The following CACNB2 variants were observed in gnomAD, a reference collection of about 807,000 sequenced individuals.
The protein encoded by CACNB2 is voltage-dependent L-type calcium channel subunit beta-2.
A neutral mutation model predicts 73.3 loss-of-function variants in CACNB2; 42 were observed. The ratio of observed to expected loss-of-function variants is 0.57; its 90% CI spans 0.45 to 0.74. The LOEUF (loss-of-function observed/expected upper bound fraction) is 0.74, where lower values mean the gene tolerates loss of function less well. Ranked by LOEUF, CACNB2 falls within the 30% of genes least tolerant of loss-of-function variation. The probability of loss-of-function intolerance (pLI) is 0.00; values close to 1 mark genes in which losing one functional copy is unlikely to be tolerated. For synonymous variants in CACNB2, 348 were observed against 310.3 expected, an observed-to-expected ratio of 1.12 and a Z score of -1.28; for missense variants, 940 against 853.0, an observed-to-expected ratio of 1.10 and a Z score of -1.27.
At chr10:18,223,916 T>C (rs573197887) in intron 2 of CACNB2, among the ~76,000 whole-genome samples, 88 of 151,886 alleles carry the variant, frequency 5.8e-4, no homozygotes, top group African/African-American at 1.8e-3. Context: ...TCTAGTGAAA[T>C]ATGTACAGAA....
rs59858946 is a variant in CACNB2, at chr10:18,495,545, C to CTGTGTG, written c.334-2768_334-2763dup. Among the ~76,000 whole-genome samples the CTGTGTG allele has an allele frequency of 5.0e-3, 624 of 124,698 alleles. 5 individuals are homozygous for CTGTGTG. Among genetic ancestry groups the CTGTGTG allele is most frequent in the South Asian group, 0.013 (49 of 3,868 alleles). 81.8% of individuals were successfully genotyped at this position (124,698 alleles called of 152,430 possible). On this transcript the variant is annotated intron_variant, in intron 3 of 13. Coordinates refer to ENST00000324631, the MANE Select transcript of CACNB2 (RefSeq NM_201596.3). Reference sequence around the variant, plus strand: ...AAATATATTTTTAAAAGTATAAAAACTGTGTGTGTGTGTGTGTGTGTGTGT... The same window carrying CTGTGTG: ...AAATATATTTTTAAAAGTATAAAAACTGTGTGTGTGTGTGTGTGTGTGTGTGTGTGT...
chr10:18,309,561 G>A (rs964905783), intron 2 of CACNB2, among the ~76,000 whole-genome samples: 9 of 152,106 alleles, frequency 5.9e-5, no homozygotes, highest in African/African-American at 2.2e-4. Context: ...GGGTTCAAGC[G>A]ATTCTCCTGA....
chr10:18,391,375 C>T (rs1419460765), intron 2 of CACNB2, among the ~76,000 whole-genome samples: 3 of 152,144 alleles, frequency 2.0e-5, no homozygotes, highest in African/African-American at 4.8e-5. Flanking sequence ...GAAAATGGAT[C>T]GGGAGAGCTT....
At chr10:18,452,195 G>C (rs552513348) in intron 3 of CACNB2, among the ~76,000 whole-genome samples, 1 of 152,238 alleles carries the variant, frequency 6.6e-6, no homozygotes, top group Non-Finnish European at 1.5e-5. Flanking sequence ...AGACTGAGCA[G>C]GAGGATTGCT....
intron 3 of CACNB2, among the ~76,000 whole-genome samples, chr10:18,438,896 G>A (rs771350228): frequency 3.1e-4 from 47 of 152,306 alleles, no homozygotes; most frequent in African/African-American, 1.1e-3. Flanking sequence ...TATAAATACA[G>A]CTCTTCCAAA....
intron 2 of CACNB2, among the ~76,000 whole-genome samples, chr10:18,216,794 G>A (rs2035529939): frequency 6.6e-6 from 1 of 152,046 alleles, no homozygotes; most frequent in South Asian, 2.1e-4. Context: ...CCAAAACAGA[G>A]GTCTCATGAA....
chr10:18,464,525 T>C (rs1265069770), intron 3 of CACNB2, among the ~76,000 whole-genome samples: 1 of 151,002 alleles, frequency 6.6e-6, no homozygotes, highest in Non-Finnish European at 1.5e-5. Flanking sequence ...CACACGGACC[T>C]CAAACTTACC....
chr10:18,266,518 T>A (rs956763350), intron 2 of CACNB2, among the ~76,000 whole-genome samples: 2 of 103,626 alleles, frequency 1.9e-5, no homozygotes, highest in African/African-American at 9.4e-5. Context: ...GTAGTATAGT[T>A]TTTTTTTTTT....
chr10:18,410,778 G>A (rs951598418), intron 3 of CACNB2, among the ~76,000 whole-genome samples: 45 of 152,068 alleles, frequency 3.0e-4, no homozygotes, highest in African/African-American at 1.0e-3. Flanking sequence ...TCAGGAGTTT[G>A]AGAGCAGCCT....
chr10:18,499,588 C>A (rs1038060711), intron 4 of CACNB2, among the ~76,000 whole-genome samples: 2 of 105,166 alleles, frequency 1.9e-5, no homozygotes, highest in Non-Finnish European at 4.2e-5. Context: ...GCACCCGAGC[C>A]TGGCGACAGA....
intron 9 of CACNB2, among the ~76,000 whole-genome samples, chr10:18,524,223 TTTTTG>T (rs1460394853): frequency 1.3e-5 from 2 of 152,170 alleles, no homozygotes; most frequent in African/African-American, 4.8e-5. Flanking sequence ...TTTTTTTGTT[TTTTTG>T]TTTTGTTTTG....
intron 2 of CACNB2, among the ~76,000 whole-genome samples, chr10:18,301,829 A>G (rs910332817): frequency 4.0e-5 from 6 of 151,452 alleles, no homozygotes; most frequent in African/African-American, 1.5e-4. Flanking sequence ...TTGTATTTTT[A>G]GTAGAGACGG....
intron 3 of CACNB2, among the ~76,000 whole-genome samples, chr10:18,469,780 G>T (rs2048086261): frequency 6.6e-6 from 1 of 152,136 alleles, no homozygotes; most frequent in South Asian, 2.1e-4. Flanking sequence ...CACATCCATG[G>T]AAGGAATATC....
In CACNB2 at chr10:18,264,592, T is replaced by G. The variant is rs2037706131; in HGVS notation, c.213+113617T>G. On this transcript the variant is annotated intron_variant, in intron 2 of 13. Coordinates refer to ENST00000324631, the MANE Select transcript of CACNB2 (RefSeq NM_201596.3). The stretch of plus-strand genomic sequence containing the variant: ...TGGATTGGTTTTTCCTGTTTCTGAA[T>G]TTTATTCAAATGAACTCAAACAGCA... 3.3e-5 allele frequency among the ~76,000 whole-genome samples: 5 copies of G among 152,210 alleles called. No homozygotes were observed. In the South Asian group the frequency reaches 1.0e-3, roughly 32 times the overall value.
At chr10:18,224,857 T>C (rs1018834156) in intron 2 of CACNB2, among the ~76,000 whole-genome samples, 1 of 152,222 alleles carries the variant, frequency 6.6e-6, no homozygotes, top group Non-Finnish European at 1.5e-5. Context: ...CAGTCCTCCC[T>C]TAAGGTGGCC....
At chr10:18,246,662 C>T (rs963227855) in intron 2 of CACNB2, among the ~76,000 whole-genome samples, 4 of 152,150 alleles carry the variant, frequency 2.6e-5, no homozygotes, top group African/African-American at 9.7e-5. Flanking sequence ...CTTACTACAG[C>T]CTCCAACTCC....
At chr10:18,508,713 C>T (rs1564631402) in intron 6 of CACNB2, among the ~76,000 whole-genome samples, 1 of 152,126 alleles carries the variant, frequency 6.6e-6, no homozygotes. Context: ...AATATGGTAA[C>T]TCAAAATGTA....
At chr10:18,150,855 C>CTTTGT in intron 1 of CACNB2, 28 bp from the exon 2 acceptor site, 1 of 483,390 alleles carries the variant, frequency 2.1e-6, no homozygotes, top group South Asian at 2.7e-5. Flanking sequence ...TCTTATTTGT[C>CTTTGT]TTTTTTTTTT....
intron 2 of CACNB2, among the ~76,000 whole-genome samples, chr10:18,160,694 G>T (rs569351166): frequency 6.6e-6 from 1 of 152,226 alleles, no homozygotes; most frequent in African/African-American, 2.4e-5. Flanking sequence ...TTGTGTCTCA[G>T]GTCTTCCCAG....
Sources: allele counts gnomAD v4.1 joint callset (sites outside exome capture counted in the v4.1 genomes callset), GRCh38; gene constraint gnomAD v4.1.1; transcripts MANE v1.5; gene names NCBI Gene and HGNC (gene_info 2026-07-23, HGNC 2026-07-21).